Variants in CAMKMT observed in about 807,000 individuals in gnomAD.
CAMKMT encodes calmodulin-lysine N-methyltransferase.
A neutral mutation model predicts 48.0 loss-of-function variants in CAMKMT; 53 were observed. The observed-to-expected ratio is 1.10, with a 90% CI of 0.89 to 1.39. The LOEUF (loss-of-function observed/expected upper bound fraction) is 1.39, where lower values mean the gene tolerates loss of function less well. CAMKMT is among the 40% of genes most tolerant of loss of function. CAMKMT has a pLI of 0.00. For missense variants in CAMKMT, 428 were observed against 402.7 expected, an observed-to-expected ratio of 1.06 and a Z score of -0.54; for synonymous variants, 165 against 152.3, an observed-to-expected ratio of 1.08 and a Z score of -0.61.
chr2:44,691,481 A>C (rs343979), intron 3 of CAMKMT, among the ~76,000 whole-genome samples: 6 of 152,094 alleles, frequency 3.9e-5, no homozygotes, highest in African/African-American at 1.4e-4. Context: ...ATTTTAATGC[A>C]TTTTTAATCA....
intron 6 of CAMKMT, 80 bp from the exon 7 acceptor site, chr2:44,715,207 A>AG: frequency 1.1e-6 from 1 of 932,634 alleles, no homozygotes; most frequent in Non-Finnish European, 1.6e-6. Context: ...AAAAAAAAAA[A>AG]AAAAAGATAA....
chr2:44,499,560 G>A (rs968996627), intron 3 of CAMKMT, among the ~76,000 whole-genome samples: 2 of 152,160 alleles, frequency 1.3e-5, no homozygotes, highest in African/African-American at 4.8e-5. Context: ...AATTCTTATA[G>A]TGAATCATAG....
intron 2 of CAMKMT, among the ~76,000 whole-genome samples, chr2:44,374,058 A>T (rs567218133): frequency 7.6e-6 from 1 of 131,846 alleles, no homozygotes; most frequent in Admixed American, 8.9e-5. Flanking sequence ...CGGGAGGTTG[A>T]GGCTGCTGTG....
At chr2:44,705,668 G>A (rs1253539579) in intron 4 of CAMKMT, 2 of 279,678 alleles carry the variant, frequency 7.2e-6, no homozygotes, top group East Asian at 1.8e-4. Context: ...TCCCTGCATT[G>A]TTTATTCACT....
chr2:44,571,985 T>C (rs1049094297), intron 3 of CAMKMT, among the ~76,000 whole-genome samples: 3 of 152,190 alleles, frequency 2.0e-5, no homozygotes, highest in Non-Finnish European at 4.4e-5. Flanking sequence ...TAAAATATTT[T>C]TTATCATGGT....
intron 1 of CAMKMT, among the ~76,000 whole-genome samples, chr2:44,364,681 C>G (rs573932756): frequency 6.6e-6 from 1 of 152,096 alleles, no homozygotes; most frequent in African/African-American, 2.4e-5. Flanking sequence ...AAGTAAGAAC[C>G]GCAACATCAC....
intron 4 of CAMKMT, chr2:44,705,618 C>T (rs1677510691): frequency 3.9e-5 from 32 of 810,418 alleles, no homozygotes; most frequent in Non-Finnish European, 4.8e-5. Flanking sequence ...AGAGCCCAGT[C>T]ATTACTTTAG....
chr2:44,569,039 G>T (rs1182434803), intron 3 of CAMKMT, among the ~76,000 whole-genome samples: 1 of 152,148 alleles, frequency 6.6e-6, no homozygotes, highest in Non-Finnish European at 1.5e-5. Flanking sequence ...TCAGTTTCTG[G>T]ATTGTTCGGG....
chr2:44,406,652 A>G (rs2104462268), intron 3 of CAMKMT, among the ~76,000 whole-genome samples: 1 of 152,336 alleles, frequency 6.6e-6, no homozygotes, highest in East Asian at 1.9e-4. Flanking sequence ...GCTGGAATGC[A>G]GTGGCACCAT....
At chr2:44,426,579 C>A (rs547250737) in intron 3 of CAMKMT, among the ~76,000 whole-genome samples, 1 of 152,080 alleles carries the variant, frequency 6.6e-6, no homozygotes, top group African/African-American at 2.4e-5. Context: ...GAATGCAGTC[C>A]CATTTACAAT....
intron 3 of CAMKMT, among the ~76,000 whole-genome samples, chr2:44,670,746 G>A (rs1016605268): frequency 7.9e-5 from 12 of 152,170 alleles, no homozygotes; most frequent in Admixed American, 7.9e-4. Flanking sequence ...GTAGGTCTGG[G>A]ATGGAGCCTT....
At chr2:44,502,110 A>G (rs112754005) in intron 3 of CAMKMT, among the ~76,000 whole-genome samples, 7 of 151,258 alleles carry the variant, frequency 4.6e-5, no homozygotes, top group African/African-American at 1.2e-4. Context: ...AATCCCAACT[A>G]CTCAGGAGGC....
intron 3 of CAMKMT, among the ~76,000 whole-genome samples, chr2:44,516,327 A>T (rs1054911005): frequency 3.9e-5 from 6 of 152,178 alleles, no homozygotes; most frequent in Non-Finnish European, 7.4e-5. Context: ...TATTTTTAGC[A>T]TGCATTTTCT....
At chr2:44,679,196 G>A (rs1277056172) in intron 3 of CAMKMT, among the ~76,000 whole-genome samples, 1 of 152,132 alleles carries the variant, frequency 6.6e-6, no homozygotes, top group Non-Finnish European at 1.5e-5. Context: ...ATCAATGCTT[G>A]AGGAATATTG....
Position 44,497,741 on chromosome 2 carries a change from G to GAC in CAMKMT, c.376+107437_376+107438insCA, listed in dbSNP as rs1234314836. Among the ~76,000 whole-genome samples, 3 of 151,108 alleles carry GAC rather than the reference G, an allele frequency of 2.0e-5. No homozygotes were observed. In the East Asian group the frequency reaches 5.8e-4, roughly 29 times the overall value. On this transcript the variant is annotated intron_variant, in intron 3 of 10. Coordinates refer to ENST00000378494, the MANE Select transcript of CAMKMT (RefSeq NM_024766.5). ...AGAGAGAGAGAGAGAGAGAGAGAGA[G>GAC]AGGGATAGTATATGAAGGGCTATAG...
At chr2:44,595,710 A>T (rs1167663574) in intron 3 of CAMKMT, among the ~76,000 whole-genome samples, 2 of 152,220 alleles carry the variant, frequency 1.3e-5, no homozygotes, top group Non-Finnish European at 2.9e-5. Context: ...CACTGTTCAC[A>T]ATAGCAAAGA....
chr2:44,542,283 G>A (rs1296858977), intron 3 of CAMKMT, among the ~76,000 whole-genome samples: 1 of 152,170 alleles, frequency 6.6e-6, no homozygotes, highest in African/African-American at 2.4e-5. Context: ...TATGCAGCAA[G>A]CATAGAGTTG....
At chr2:44,488,947 C>A (rs920876994) in intron 3 of CAMKMT, among the ~76,000 whole-genome samples, 1 of 151,530 alleles carries the variant, frequency 6.6e-6, no homozygotes, top group South Asian at 2.1e-4. Context: ...CTCACTGCAG[C>A]CTTGAACTCG....
chr2:44,678,030 T>C (rs1022009325), intron 3 of CAMKMT, among the ~76,000 whole-genome samples: 5 of 152,108 alleles, frequency 3.3e-5, no homozygotes, highest in African/African-American at 1.2e-4. Flanking sequence ...AATAACTCTT[T>C]ACAATACAGT....
Sources: gnomAD v4.1 joint callset for allele counts (sites outside exome capture counted in the v4.1 genomes callset) on GRCh38, gnomAD v4.1.1 for gene constraint, MANE v1.5 for transcripts, NCBI Gene and HGNC (gene_info 2026-07-23, HGNC 2026-07-21) for gene names.